The following PTPN20 variants were observed in gnomAD, a reference collection of about 807,000 sequenced individuals.
PTPN20 encodes the protein tyrosine-protein phosphatase non-receptor type 20.
In PTPN20, 9 loss-of-function variants were observed where a neutral mutation model predicts 35.0. The ratio of observed to expected loss-of-function variants is 0.26; its 90% CI spans 0.15 to 0.45. PTPN20 has a LOEUF of 0.45. Ranked by LOEUF, PTPN20 falls within the 20% of genes least tolerant of loss-of-function variation. The pLI is 1.00. For synonymous variants in PTPN20, 32 were observed against 100.2 expected (o/e 0.32, Z 4.06); for missense variants, 111 against 312.5 (o/e 0.36, Z 4.86).
At chr10:46,994,538 G>A (rs907487936) in intron 9 of PTPN20, among the ~76,000 whole-genome samples, 1 of 151,810 alleles carries the variant, frequency 6.6e-6, no homozygotes, top group East Asian at 1.9e-4. Context: ...GTTTCACCGT[G>A]TTAGCCAGGA....
At chr10:46,967,534 G>C (rs1331702578) in intron 6 of PTPN20, among the ~76,000 whole-genome samples, 1 of 145,588 alleles carries the variant, frequency 6.9e-6, no homozygotes, top group Admixed American at 6.9e-5. Flanking sequence ...AAAGGGGAAG[G>C]GTAAATTGTG....
chr10:46,939,016 G>A (rs1257688307), intron 2 of PTPN20, among the ~76,000 whole-genome samples: 5 of 152,202 alleles, frequency 3.3e-5, no homozygotes, highest in African/African-American at 1.2e-4. Flanking sequence ...TGAGTTGCTT[G>A]TTTACAATTC....
chr10:46,968,073 T>C (rs1555161745), intron 7 of PTPN20, 26 bp downstream of exon 7: 1 of 852,886 alleles, frequency 1.2e-6, no homozygotes, highest in Non-Finnish European at 1.5e-6. Flanking sequence ...TTTTGATTAT[T>C]TTCCTGTTTA....
chr10:46,983,153 T>A (rs1180195777), intron 7 of PTPN20, among the ~76,000 whole-genome samples: 1 of 149,916 alleles, frequency 6.7e-6, no homozygotes, highest in Admixed American at 6.7e-5. Context: ...CTCAGATCAC[T>A]GCAGCCTCCG....
chr10:46,926,476 C>T (rs1441701724), intron 1 of PTPN20, among the ~76,000 whole-genome samples: 2 of 151,478 alleles, frequency 1.3e-5, no homozygotes, highest in Admixed American at 1.3e-4. Flanking sequence ...GAGATGGCTG[C>T]TCTGTGATTA....
At position 46,932,373 on chromosome 10, in the gene PTPN20, C is replaced by T. The variant is rs1391604978; in HGVS notation, c.-123-4C>T. 29 of 1,605,082 alleles carry T rather than the reference C, an allele frequency of 1.8e-5. No individual in the cohort carries two copies. Among genetic ancestry groups the T allele is most frequent in the Non-Finnish European group, 2.3e-5 (27 of 1,176,722 alleles). On this transcript the variant is annotated splice_region_variant and splice_polypyrimidine_tract_variant and intron_variant, in intron 1 of 10. Coordinates refer to ENST00000374339, the MANE Select transcript of PTPN20 (RefSeq NM_001042357.5). ...AAAATCTTTGGCTTTGTGTGTTTTA[C>T]CAGGTGAACAAAAATTGTTTGCTGG...
intron 9 of PTPN20, among the ~76,000 whole-genome samples, chr10:46,988,884 T>C (rs1256435512): frequency 4.0e-5 from 6 of 150,572 alleles, no homozygotes; most frequent in Admixed American, 2.0e-4. Context: ...TAAGATCACC[T>C]TCTTTATTTC....
At chr10:46,983,289 A>G (rs2056105757) in intron 7 of PTPN20, among the ~76,000 whole-genome samples, 1 of 151,634 alleles carries the variant, frequency 6.6e-6, no homozygotes, top group African/African-American at 2.4e-5. Context: ...TCTGTGTGCT[A>G]TGTTAAAATT....
chr10:46,970,632 T>G (rs1383430996), intron 7 of PTPN20, among the ~76,000 whole-genome samples: 1 of 151,406 alleles, frequency 6.6e-6, no homozygotes, highest in East Asian at 1.9e-4. Context: ...ATGCTGACAC[T>G]GCTACTGCTC....
chr10:46,986,364 G>A (rs1555173813), intron 8 of PTPN20, among the ~76,000 whole-genome samples: 1 of 146,942 alleles, frequency 6.8e-6, no homozygotes, highest in Non-Finnish European at 1.5e-5. Context: ...AATTTCAGTC[G>A]ACACTGTGGA....
intron 5 of PTPN20, among the ~76,000 whole-genome samples, chr10:46,947,078 AG>A (rs2045051932): frequency 7.4e-6 from 1 of 135,252 alleles, no homozygotes; most frequent in Non-Finnish European, 1.6e-5. Flanking sequence ...GTGGAAAAAA[AG>A]ACAATAACAA....
chr10:46,951,778 AT>A (rs1242869402), intron 5 of PTPN20, among the ~76,000 whole-genome samples: 3 of 134,072 alleles, frequency 2.2e-5, no homozygotes, highest in East Asian at 2.2e-4. Flanking sequence ...TATTCTCTAA[AT>A]TTTTTTTCAC....
At chr10:46,947,908 A>G (rs1232693514) in intron 5 of PTPN20, 4 of 446,930 alleles carry the variant, frequency 8.9e-6, no homozygotes, top group African/African-American at 8.3e-5. Context: ...TAAAAGTACT[A>G]CAGATATTCA....
chr10:46,999,920 C>A lies in PTPN20; in HGVS notation c.1143C>A (p.Ile381=). ...CTGTCATCTTATTACAGTTCAACAT[C>A]ATGGATATAGTGGCCCAAATGAGAG... ...CAIVKNCSFN[I]MDIVAQMREQ... The change falls in exon 10 of 11, where the codon ATC becomes ATA. Residue 381 remains isoleucine (I), a synonymous_variant. Coordinates refer to ENST00000374339, the MANE Select transcript of PTPN20 (RefSeq NM_001042357.5). 6.2e-7 allele frequency: 1 copy of A among 1,613,724 alleles called. No individual in the cohort carries two copies. The highest frequency in any genetic ancestry group is 8.5e-7 in the Non-Finnish European group (1 of 1,179,714).
chr10:46,997,690 T>G (rs1480522952), intron 9 of PTPN20, among the ~76,000 whole-genome samples: 3 of 148,772 alleles, frequency 2.0e-5, no homozygotes, highest in African/African-American at 7.4e-5. Flanking sequence ...GATCTAGAAT[T>G]TATAAGGAAC....
chr10:46,922,932 C>T (rs1342081316), intron 1 of PTPN20, among the ~76,000 whole-genome samples: 7 of 124,452 alleles, frequency 5.6e-5, no homozygotes, highest in Non-Finnish European at 9.6e-5. Context: ...CTGGACCATA[C>T]CCAGGATCTC....
intron 4 of PTPN20, among the ~76,000 whole-genome samples, chr10:46,944,746 C>T (rs1555139319): frequency 2.1e-5 from 3 of 143,338 alleles, no homozygotes; most frequent in Non-Finnish European, 4.5e-5. Context: ...TTTTGAGATT[C>T]TGTGATACAC....
At chr10:46,963,789 C>T (rs1555158387) in intron 5 of PTPN20, among the ~76,000 whole-genome samples, 1 of 88,464 alleles carries the variant, frequency 1.1e-5, no homozygotes, top group Non-Finnish European at 2.0e-5. Flanking sequence ...TACAGTCATT[C>T]TACATTTTCA....
At position 46,968,937 on chromosome 10, in the gene PTPN20, G is replaced by GC. The variant is rs2051556077; in HGVS notation, c.583+891dup. Among the ~76,000 whole-genome samples, 2 of 104,250 alleles carry GC rather than the reference G, an allele frequency of 1.9e-5. 1 individual carries two copies. Among genetic ancestry groups the GC allele is most frequent in the Non-Finnish European group, 3.7e-5 (2 of 54,688 alleles). The allele number at this position is 104,250 out of a possible 152,430, so 68.4% of individuals were successfully genotyped here. On this transcript the variant is annotated intron_variant, in intron 7 of 10. Coordinates refer to ENST00000374339, the MANE Select transcript of PTPN20 (RefSeq NM_001042357.5). The stretch of plus-strand genomic sequence containing the variant: ...CCTCCCTTTCTGATCATTCACAAAA[G>GC]CTACTGAGATTTTCTTAAAATGCAA...
Sources: allele counts gnomAD v4.1 joint callset (sites outside exome capture counted in the v4.1 genomes callset), GRCh38; gene constraint gnomAD v4.1.1; transcripts MANE v1.5; gene names NCBI Gene and HGNC (gene_info 2026-07-23, HGNC 2026-07-21).